The following DHX30 variants were observed in gnomAD, a reference collection of about 807,000 sequenced individuals.
The protein encoded by DHX30 is DExH-box helicase 30, also known as ATP-dependent RNA helicase DHX30.
DHX30 carries 4 observed loss-of-function variants against 116.9 expected under a neutral mutation model. That is an observed-to-expected ratio of 0.03 (90% CI 0.02 to 0.08). DHX30 has a LOEUF of 0.08. Ranked by LOEUF, DHX30 falls within the 10% of genes least tolerant of loss-of-function variation. DHX30 has a pLI of 1.00. For missense variants in DHX30, 871 were observed against 1,595.1 expected, an observed-to-expected ratio of 0.55 and a Z score of 7.73; for synonymous variants, 697 against 651.7, an observed-to-expected ratio of 1.07 and a Z score of -1.06.
Position 47,845,516 on chromosome 3 carries a change from G to A in DHX30, c.940-184G>A, listed in dbSNP as rs903595316. 6.1e-6 allele frequency: 4 copies of A among 657,528 alleles called. No individual in the cohort carries two copies. In the African/African-American group the frequency reaches 7.4e-5, roughly 12 times the overall value. The allele number at this position is 657,528 out of a possible 1,614,324, so 40.7% of individuals were successfully genotyped here. On this transcript the variant is annotated intron_variant, in intron 9 of 21. Coordinates refer to ENST00000445061, the MANE Select transcript of DHX30 (RefSeq NM_138615.3). ...TTAACTTTAGTTCATTTTTTAAAAC[G>A]TTTATTTTGGTAAGTTAACATTTTC...
At chr3:47,819,164 C>A (rs1291712575) in intron 4 of DHX30, 3 of 1,301,016 alleles carry the variant, frequency 2.3e-6, no homozygotes, top group Admixed American at 1.9e-5. Context: ...ATGCCACCCC[C>A]CTACCGTTAC....
intron 6 of DHX30, among the ~76,000 whole-genome samples, chr3:47,840,036 G>A (rs1464919932): frequency 2.1e-5 from 3 of 145,040 alleles, no homozygotes; most frequent in Non-Finnish European, 4.5e-5. Flanking sequence ...TTGCTCTGTC[G>A]CCCAGGTTGG....
At position 47,848,254 on chromosome 3, in the gene DHX30, G is replaced by T; in HGVS notation, c.2361G>T (p.Gln787His). Residue 787 changes from glutamine to histidine, a missense_variant, in exon 15 of 22, where the codon CAG becomes CAT. By Grantham distance (24) the Gln-to-His change is conservative (BLOSUM62 0). Coordinates refer to ENST00000445061, the MANE Select transcript of DHX30 (RefSeq NM_138615.3). The surrounding 1 kb of genome is among the most constrained non-coding windows in gnomAD (Gnocchi z 9.4). ...IQRRGRAGRC[Q>H]SGFAYHLFPR... is the part of the protein sequence containing the mutation. ...GCCGGGGCCGGGCGGGCCGCTGCCAGTCCGGCTTTGCCTACCACTTGTTCC... is the reference window on the plus strand; with the variant it reads ...GCCGGGGCCGGGCGGGCCGCTGCCATTCCGGCTTTGCCTACCACTTGTTCC... 6.2e-7 allele frequency: 1 copy of T among 1,613,628 alleles called. No homozygotes were observed. Among genetic ancestry groups the T allele is most frequent in the Non-Finnish European group, 8.5e-7 (1 of 1,179,968 alleles).
intron 9 of DHX30, 125 bp downstream of exon 9, chr3:47,843,380 AG>A: frequency 7.5e-7 from 1 of 1,329,980 alleles, no homozygotes; most frequent in Non-Finnish European, 1.0e-6. Flanking sequence ...CCTGGCACAA[AG>A]ACAGCTGGTA....
intron 6 of DHX30, among the ~76,000 whole-genome samples, chr3:47,832,770 G>T (rs894682075): frequency 4.6e-5 from 7 of 151,874 alleles, no homozygotes; most frequent in Non-Finnish European, 1.0e-4. Flanking sequence ...CCAAGTAGCT[G>T]GGACTACAGG....
intron 6 of DHX30, among the ~76,000 whole-genome samples, chr3:47,831,343 C>A (rs2036840447): frequency 6.6e-6 from 1 of 152,068 alleles, no homozygotes; most frequent in African/African-American, 2.4e-5. Flanking sequence ...GGGAGGGCAT[C>A]AAGCCATTCA....
intron 1 of DHX30, 101 bp downstream of exon 1, chr3:47,803,313 CTGGCGGAGAGTG>C (rs2035370514): frequency 2.6e-6 from 1 of 386,416 alleles, no homozygotes. Context: ...GACCGCCAGC[CTGGCGGAGAGTG>C]GGGCGGAGAC....
intron 6 of DHX30, among the ~76,000 whole-genome samples, chr3:47,836,527 G>A (rs1375205946): frequency 6.6e-6 from 1 of 151,492 alleles, no homozygotes; most frequent in African/African-American, 2.4e-5. Flanking sequence ...GTTTTGTTTT[G>A]TTTTGTTTTG....
At chr3:47,825,058 C>G (rs1174589727) in intron 4 of DHX30, 2 of 664,352 alleles carry the variant, frequency 3.0e-6, no homozygotes, top group African/African-American at 1.9e-5. Flanking sequence ...CGCTAGGAGA[C>G]TCATGGCGCT....
intron 2 of DHX30, among the ~76,000 whole-genome samples, chr3:47,805,684 G>A (rs1427919886): frequency 5.3e-5 from 8 of 151,774 alleles, no homozygotes; most frequent in Middle Eastern, 3.4e-3. Flanking sequence ...GATTACAGGC[G>A]CCTGCCACCA....
At chr3:47,834,330 C>T (rs561439791) in intron 6 of DHX30, among the ~76,000 whole-genome samples, 1 of 152,288 alleles carries the variant, frequency 6.6e-6, no homozygotes, top group East Asian at 1.9e-4. Flanking sequence ...TCTTGAACTC[C>T]TGACCTGAAG....
At chr3:47,816,919 A>T (rs1293493274) in intron 3 of DHX30, 28 of 638,094 alleles carry the variant, frequency 4.4e-5, no homozygotes, top group Middle Eastern at 7.9e-4. Flanking sequence ...AATTTTAATA[A>T]AAAAAAAAAT....
intron 2 of DHX30, among the ~76,000 whole-genome samples, chr3:47,809,234 CT>C (rs71070231): frequency 0.084 from 5,276 of 62,878 alleles, 19 homozygotes; most frequent in African/African-American, 0.23. Flanking sequence ...AATGTAACTT[CT>C]TTTTTTTTTT....
intron 6 of DHX30, among the ~76,000 whole-genome samples, chr3:47,837,687 G>T (rs1337065084): frequency 6.6e-6 from 1 of 152,204 alleles, no homozygotes; most frequent in Non-Finnish European, 1.5e-5. Flanking sequence ...CTTGAACCTG[G>T]CAGGCAGAGG....
chr3:47,849,798 C>A (rs1273302043), intron 21 of DHX30, 29 bp downstream of exon 21: 1 of 1,607,960 alleles, frequency 6.2e-7, no homozygotes, highest in African/African-American at 1.3e-5. Flanking sequence ...CCCGCCCACC[C>A]CGCTCTGCAG....
chr3:47,816,730 C>A, intron 3 of DHX30: 2 of 985,512 alleles, frequency 2.0e-6, no homozygotes, highest in Non-Finnish European at 2.4e-6. Flanking sequence ...TCTGAAACAG[C>A]CACTGTGGTG....
chr3:47,826,986 G>A (rs908827717), intron 4 of DHX30, among the ~76,000 whole-genome samples: 1 of 152,118 alleles, frequency 6.6e-6, no homozygotes, highest in African/African-American at 2.4e-5. Flanking sequence ...TTTTTTGCTT[G>A]CTTGTTTGTT....
chr3:47,828,522 A>G (rs2036652874), intron 5 of DHX30, among the ~76,000 whole-genome samples: 1 of 151,376 alleles, frequency 6.6e-6, no homozygotes, highest in Non-Finnish European at 1.5e-5. Context: ...CTGTAATCCC[A>G]GCACTTTGGG....
intron 5 of DHX30, among the ~76,000 whole-genome samples, chr3:47,827,932 C>CA (rs543577725): frequency 7.4e-4 from 113 of 152,220 alleles, no homozygotes; most frequent in African/African-American, 2.3e-3. Flanking sequence ...AATCATAACT[C>CA]ACAGTAACCT....
Sources: allele counts gnomAD v4.1 joint callset (sites outside exome capture counted in the v4.1 genomes callset), GRCh38; gene constraint gnomAD v4.1.1; non-coding constraint Gnocchi (gnomAD v3.1); transcripts MANE v1.5; gene names NCBI Gene and HGNC (gene_info 2026-07-23, HGNC 2026-07-21).